Variants in PDSS2 observed in about 807,000 individuals in gnomAD.
PDSS2 encodes the protein all trans-polyprenyl-diphosphate synthase PDSS2.
PDSS2 carries 31 observed loss-of-function variants against 44.5 expected under a neutral mutation model. The ratio of observed to expected loss-of-function variants is 0.70; its 90% CI spans 0.52 to 0.94. The LOEUF (loss-of-function observed/expected upper bound fraction) is 0.94. PDSS2 is among the 40% of genes least tolerant of loss of function. The pLI, the probability that PDSS2 is intolerant of heterozygous loss-of-function variation, is 0.00. For missense variants in PDSS2, 452 were observed against 482.2 expected (o/e 0.94, Z 0.59); for synonymous variants, 157 against 180.3 (o/e 0.87, Z 1.03).
At chr6:107,306,441 G>A (rs1776862035) in intron 2 of PDSS2, among the ~76,000 whole-genome samples, 1 of 152,136 alleles carries the variant, frequency 6.6e-6, no homozygotes, top group Admixed American at 6.5e-5. Flanking sequence ...GGCTTCCCCA[G>A]CCACGTGGAA....
intron 4 of PDSS2, among the ~76,000 whole-genome samples, chr6:107,223,836 A>G (rs1239980185): frequency 6.7e-6 from 1 of 149,988 alleles, no homozygotes; most frequent in African/African-American, 2.5e-5. Context: ...GAAATCCCAG[A>G]GTCTAGAGCA....
intron 4 of PDSS2, among the ~76,000 whole-genome samples, chr6:107,219,006 C>T (rs1001188775): frequency 5.3e-5 from 8 of 150,390 alleles, no homozygotes; most frequent in Non-Finnish European, 1.2e-4. Context: ...TGCAGTGAGC[C>T]GACATCACGC....
intron 1 of PDSS2, among the ~76,000 whole-genome samples, chr6:107,397,709 A>C (rs757334881): frequency 1.3e-5 from 2 of 152,202 alleles, no homozygotes; most frequent in Non-Finnish European, 2.9e-5. Context: ...AAATAAATGC[A>C]GTAAGAAAAA....
At chr6:107,259,866 G>A (rs984101822) in intron 3 of PDSS2, among the ~76,000 whole-genome samples, 1 of 152,112 alleles carries the variant, frequency 6.6e-6, no homozygotes, top group African/African-American at 2.4e-5. Context: ...CCCCAAGAGT[G>A]TAGCTAAAAC....
At chr6:107,162,375 C>G (rs1314427651) in intron 7 of PDSS2, among the ~76,000 whole-genome samples, 2 of 150,904 alleles carry the variant, frequency 1.3e-5, no homozygotes, top group African/African-American at 4.9e-5. Context: ...CACCTGTAAT[C>G]CCAGCTACTT....
intron 2 of PDSS2, among the ~76,000 whole-genome samples, chr6:107,312,300 A>C (rs1777068796): frequency 6.6e-6 from 1 of 152,130 alleles, no homozygotes; most frequent in Non-Finnish European, 1.5e-5. Context: ...TTTGTCCTTT[A>C]AGGACAATTC....
intron 2 of PDSS2, among the ~76,000 whole-genome samples, chr6:107,280,754 C>T (rs1360644876): frequency 2.0e-5 from 3 of 152,202 alleles, no homozygotes; most frequent in Non-Finnish European, 2.9e-5. Flanking sequence ...AAATGTTTTG[C>T]ATTTAAGTTG....
intron 1 of PDSS2, among the ~76,000 whole-genome samples, chr6:107,433,364 A>G (rs1460166151): frequency 6.6e-6 from 1 of 152,190 alleles, no homozygotes; most frequent in Non-Finnish European, 1.5e-5. Context: ...CTGGCTTCAA[A>G]TTATACTACA....
intron 7 of PDSS2, among the ~76,000 whole-genome samples, chr6:107,173,960 G>A (rs1274332917): frequency 2.0e-5 from 3 of 152,188 alleles, no homozygotes; most frequent in African/African-American, 7.2e-5. Context: ...TATCAGCCAA[G>A]GCTGTGATGT....
chr6:107,384,946 A>G (rs894119965), intron 1 of PDSS2, among the ~76,000 whole-genome samples: 7 of 152,244 alleles, frequency 4.6e-5, no homozygotes, highest in African/African-American at 1.7e-4. Context: ...GGCTACAAAA[A>G]TATCATAGTT....
intron 1 of PDSS2, among the ~76,000 whole-genome samples, chr6:107,349,043 A>G (rs1170145629): frequency 6.6e-6 from 1 of 152,194 alleles, no homozygotes; most frequent in Admixed American, 6.5e-5. Context: ...ACTTATAGAA[A>G]AGTTACAAGT....
intron 1 of PDSS2, among the ~76,000 whole-genome samples, chr6:107,393,985 T>C (rs1020025406): frequency 6.6e-6 from 1 of 152,228 alleles, no homozygotes; most frequent in African/African-American, 2.4e-5. Flanking sequence ...CAAGAGTTTC[T>C]TGCTTTCATA....
At chr6:107,203,283 C>A (rs183958118) in intron 6 of PDSS2, among the ~76,000 whole-genome samples, 2 of 152,224 alleles carry the variant, frequency 1.3e-5, no homozygotes, top group East Asian at 3.9e-4. Context: ...CTTGTTTTAG[C>A]CTCTGAGTGC....
chr6:107,352,845 A>C (rs1037732615), intron 1 of PDSS2, among the ~76,000 whole-genome samples: 1 of 152,194 alleles, frequency 6.6e-6, no homozygotes, highest in Non-Finnish European at 1.5e-5. Context: ...TGAACATCTT[A>C]TAACATACCT....
intron 1 of PDSS2, among the ~76,000 whole-genome samples, chr6:107,398,886 T>C (rs981827650): frequency 6.6e-6 from 1 of 152,190 alleles, no homozygotes; most frequent in Non-Finnish European, 1.5e-5. Flanking sequence ...GGGGCTTCCC[T>C]CTCTAGACTT....
chr6:107,410,397 C>A (rs187008039), intron 1 of PDSS2, among the ~76,000 whole-genome samples: 2 of 152,152 alleles, frequency 1.3e-5, no homozygotes, highest in Non-Finnish European at 2.9e-5. Flanking sequence ...TGCGCGCAGA[C>A]ACACACACAC....
At chr6:107,293,888 T>C (rs1776425084) in intron 2 of PDSS2, among the ~76,000 whole-genome samples, 1 of 152,084 alleles carries the variant, frequency 6.6e-6, no homozygotes, top group South Asian at 2.1e-4. Context: ...TGGATCAAAA[T>C]AAGGGGGATC....
intron 1 of PDSS2, among the ~76,000 whole-genome samples, chr6:107,339,856 A>C (rs1454448247): frequency 1.3e-5 from 2 of 152,174 alleles, no homozygotes; most frequent in African/African-American, 4.8e-5. Context: ...TTTGCTCTTT[A>C]TCCAAAGAGC....
chr6:107,457,597 A>C (rs622128), intron 1 of PDSS2, among the ~76,000 whole-genome samples: 57,236 of 152,006 alleles, frequency 0.38, 13,259 homozygotes, highest in Middle Eastern at 0.64. Flanking sequence ...ATGTCTCCAT[A>C]CATGCCAAAT....
Sources: allele counts gnomAD v4.1 joint callset (sites outside exome capture counted in the v4.1 genomes callset), GRCh38; gene constraint gnomAD v4.1.1; transcripts MANE v1.5; gene names NCBI Gene and HGNC (gene_info 2026-07-23, HGNC 2026-07-21).